ARHGAP42: variants seen among roughly 807,000 people sequenced by gnomAD.
ARHGAP42 encodes the protein Rho GTPase activating protein 42, also known as rho GTPase-activating protein 42.
A neutral mutation model predicts 125.0 loss-of-function variants in ARHGAP42; 63 were observed. The ratio of observed to expected loss-of-function variants is 0.50; its 90% CI spans 0.41 to 0.62. The LOEUF is 0.62. ARHGAP42 is among the 20% of genes least tolerant of loss of function. The pLI, the probability that ARHGAP42 is intolerant of heterozygous loss-of-function variation, is 0.00. For missense variants in ARHGAP42, 766 were observed against 1,024.2 expected (o/e 0.75, Z 3.44); for synonymous variants, 339 against 351.0 (o/e 0.97, Z 0.38).
chr11:100,768,174 A>G (rs754629047), intron 1 of ARHGAP42, among the ~76,000 whole-genome samples: 37 of 152,208 alleles, frequency 2.4e-4, no homozygotes, highest in Non-Finnish European at 5.0e-4. Flanking sequence ...GGAAGACTTT[A>G]TTCAGGACTA....
chr11:100,949,388 T>G (rs1167992494), intron 11 of ARHGAP42, among the ~76,000 whole-genome samples: 1 of 152,160 alleles, frequency 6.6e-6, no homozygotes, highest in East Asian at 1.9e-4. Context: ...GCATTGATTT[T>G]TTTGTTATTT....
intron 12 of ARHGAP42, among the ~76,000 whole-genome samples, chr11:100,952,938 T>C (rs1031813235): frequency 3.9e-5 from 6 of 152,090 alleles, no homozygotes; most frequent in Non-Finnish European, 1.5e-5. Flanking sequence ...CCTCACCATG[T>C]TGGCCATGTT....
chr11:100,731,251 C>A (rs1037286208), intron 1 of ARHGAP42, among the ~76,000 whole-genome samples: 2 of 151,924 alleles, frequency 1.3e-5, no homozygotes, highest in Non-Finnish European at 2.9e-5. Flanking sequence ...CTCTGCCTCC[C>A]GGGTTCAAGG....
At chr11:100,769,934 G>T (rs117582478) in intron 1 of ARHGAP42, among the ~76,000 whole-genome samples, 1 of 151,726 alleles carries the variant, frequency 6.6e-6, no homozygotes, top group African/African-American at 2.4e-5. Context: ...TATAACACAC[G>T]TTTACCTATG....
At chr11:100,765,607 G>T (rs767947864) in intron 1 of ARHGAP42, among the ~76,000 whole-genome samples, 1 of 152,178 alleles carries the variant, frequency 6.6e-6, no homozygotes, top group African/African-American at 2.4e-5. Flanking sequence ...CTCTGTCAGA[G>T]AATTTATCGA....
intron 3 of ARHGAP42, among the ~76,000 whole-genome samples, chr11:100,817,502 G>A (rs1319961901): frequency 6.6e-6 from 1 of 152,048 alleles, no homozygotes; most frequent in Non-Finnish European, 1.5e-5. Flanking sequence ...TGTGTAAGTT[G>A]AAGCTCAGGA....
intron 3 of ARHGAP42, among the ~76,000 whole-genome samples, chr11:100,809,480 T>G (rs935814560): frequency 6.6e-6 from 1 of 152,234 alleles, no homozygotes; most frequent in Non-Finnish European, 1.5e-5. Flanking sequence ...CCGGTTAACA[T>G]TGTCATTTGA....
At chr11:100,861,475 G>A (rs1224815102) in intron 4 of ARHGAP42, among the ~76,000 whole-genome samples, 1 of 152,166 alleles carries the variant, frequency 6.6e-6, no homozygotes, top group Non-Finnish European at 1.5e-5. Context: ...GCATGGATAG[G>A]AGGCCAGACT....
chr11:100,921,221 ATATATATATATATATATATATATATTTTT>A (rs1565276575), intron 5 of ARHGAP42, among the ~76,000 whole-genome samples: 3 of 55,330 alleles, frequency 5.4e-5, no homozygotes, highest in Admixed American at 2.5e-4. Flanking sequence ...ATACATATAT[ATATATATATATATATATATATATATTTTT>A]TTTTTTTTTT....
chr11:100,713,825 C>T lies in ARHGAP42; in HGVS notation c.154+25993C>T, dbSNP rs529486678. On this transcript the variant is annotated intron_variant, in intron 1 of 23. Coordinates refer to ENST00000298815, the MANE Select transcript of ARHGAP42 (RefSeq NM_152432.4). ...TGGCCTGCTGTATTCATTGCCTTCT[C>T]GGATCAAGCTTATATTTGAGCAAAT... Among the ~76,000 whole-genome samples the T allele has an allele frequency of 2.1e-4, 32 of 152,140 alleles. 2 individuals are homozygous for T. The highest frequency in any genetic ancestry group is 6.7e-4 in the African/African-American group (28 of 41,522).
chr11:100,700,566 T>TA (rs1221739218), intron 1 of ARHGAP42, among the ~76,000 whole-genome samples: 1 of 152,244 alleles, frequency 6.6e-6, no homozygotes, highest in Non-Finnish European at 1.5e-5. Context: ...GCTGTCATTT[T>TA]AGCAGTGTTC....
chr11:100,902,819 C>A (rs978273737), intron 4 of ARHGAP42, among the ~76,000 whole-genome samples: 1 of 152,140 alleles, frequency 6.6e-6, no homozygotes, highest in East Asian at 1.9e-4. Context: ...CTGTCCTCTC[C>A]CATGACTGCC....
At chr11:100,745,372 T>C (rs1027137824) in intron 1 of ARHGAP42, among the ~76,000 whole-genome samples, 9 of 152,124 alleles carry the variant, frequency 5.9e-5, no homozygotes, top group African/African-American at 1.7e-4. Flanking sequence ...CTGGATAAAG[T>C]GGAGGATAGT....
chr11:100,980,559 C>CTTCTTCTTT (rs1555037006), intron 22 of ARHGAP42, among the ~76,000 whole-genome samples: 23 of 51,972 alleles, frequency 4.4e-4, no homozygotes, highest in Non-Finnish European at 6.5e-4. Flanking sequence ...TTTTCTTCTT[C>CTTCTTCTTT]TTTTTTTTTT....
chr11:100,886,918 AG>A (rs1866105668), intron 4 of ARHGAP42, among the ~76,000 whole-genome samples: 1 of 152,178 alleles, frequency 6.6e-6, no homozygotes, highest in African/African-American at 2.4e-5. Context: ...ATAGTTTAAA[AG>A]AAAAACACTA....
At chr11:100,825,424 C>T (rs1215131094) in intron 3 of ARHGAP42, among the ~76,000 whole-genome samples, 3 of 152,088 alleles carry the variant, frequency 2.0e-5, no homozygotes, top group African/African-American at 7.2e-5. Flanking sequence ...AGCTCTGAAA[C>T]CTTTAATGGC....
chr11:100,921,007 C>A (rs151242855), intron 5 of ARHGAP42, among the ~76,000 whole-genome samples: 13 of 151,744 alleles, frequency 8.6e-5, no homozygotes, highest in Non-Finnish European at 1.5e-4. Flanking sequence ...GTTCATACTG[C>A]AGTCAAATCT....
intron 12 of ARHGAP42, among the ~76,000 whole-genome samples, chr11:100,959,147 T>G (rs890446304): frequency 6.6e-6 from 1 of 152,068 alleles, no homozygotes; most frequent in Non-Finnish European, 1.5e-5. Flanking sequence ...GGGTGTTAGT[T>G]GGTATTTTTT....
At chr11:100,742,339 G>A (rs1354718970) in intron 1 of ARHGAP42, among the ~76,000 whole-genome samples, 4 of 126,966 alleles carry the variant, frequency 3.2e-5, no homozygotes, top group Admixed American at 2.3e-4. Flanking sequence ...TGGTCTTAAC[G>A]TCTGTCTTAT....
Sources: gnomAD v4.1 joint callset for allele counts (sites outside exome capture counted in the v4.1 genomes callset) on GRCh38, gnomAD v4.1.1 for gene constraint, MANE v1.5 for transcripts, NCBI Gene and HGNC (gene_info 2026-07-23, HGNC 2026-07-21) for gene names.